Variants in ABCA12 observed in about 807,000 individuals in gnomAD.
The protein encoded by ABCA12 is ATP binding cassette subfamily A member 12, also known as glucosylceramide transporter ABCA12.
In ABCA12, 156 loss-of-function variants were observed where a neutral mutation model predicts 293.5. The observed-to-expected ratio is 0.53, with a 90% confidence interval of 0.47 to 0.61. The LOEUF (loss-of-function observed/expected upper bound fraction) is 0.61, where lower values mean the gene tolerates loss of function less well. ABCA12 is among the 20% of genes least tolerant of loss of function. The pLI, the probability that ABCA12 is intolerant of heterozygous loss-of-function variation, is 0.00. For missense variants in ABCA12, 2,797 were observed against 3,090.2 expected, an observed-to-expected ratio of 0.91 and a Z score of 2.25; for synonymous variants, 1,063 against 1,108.0, an observed-to-expected ratio of 0.96 and a Z score of 0.81.
In ABCA12 at chr2:214,967,965, T is replaced by C. The variant is rs557296216; in HGVS notation, c.5778+755A>G. 2.6e-5 allele frequency among the ~76,000 whole-genome samples: 4 copies of C among 152,284 alleles called. No homozygotes were observed. The East Asian group carries it at 5.8e-4, about 22-fold the overall frequency. On this transcript the variant is annotated intron_variant, in intron 38 of 52. Coordinates refer to ENST00000272895, the MANE Select transcript of ABCA12 (RefSeq NM_173076.3). ...TCCCGTGACTCTACCTCATTTTAGGTATAATCTAAAAGGAAAAATAAGTGA... is the reference window on the plus strand; with the variant it reads ...TCCCGTGACTCTACCTCATTTTAGGCATAATCTAAAAGGAAAAATAAGTGA...
chr2:214,935,200 ATTG>A (rs1490977922), intron 51 of ABCA12, among the ~76,000 whole-genome samples: 2 of 152,036 alleles, frequency 1.3e-5, no homozygotes, highest in African/African-American at 4.8e-5. Flanking sequence ...TTGCTCTCAG[ATTG>A]TTGTTTTGGC....
Position 215,011,450 on chromosome 2 carries a change from G to A in ABCA12, c.2321C>T (p.Pro774Leu). Residue 774 changes from proline (P) to leucine (L), a missense_variant, in exon 17 of 53, where the codon CCC becomes CTC. By Grantham distance (98) the Pro-to-Leu change is moderately conservative. Transcript: ENST00000272895. ...TAAAGTATACTCACTGGAATTTATGGGAATTCCATATTTTGAAGCAATTTG... is the reference window on the plus strand; with the variant it reads ...TAAAGTATACTCACTGGAATTTATGAGAATTCCATATTTTGAAGCAATTTG... ...KEQIASKYGIPINSTPFCFSL... is the reference protein window; with the variant it reads ...KEQIASKYGILINSTPFCFSL... The A allele has an allele frequency of 6.2e-7, 1 of 1,610,028 alleles. No individual in the cohort carries two copies. The highest frequency in any genetic ancestry group is 2.2e-5 in the East Asian group (1 of 44,850).
At chr2:215,047,234 A>G (rs1259868767) in intron 6 of ABCA12, among the ~76,000 whole-genome samples, 3 of 152,220 alleles carry the variant, frequency 2.0e-5, no homozygotes, top group African/African-American at 7.2e-5. Context: ...ACTTAACATT[A>G]AATTAAATTT....
intron 37 of ABCA12, 74 bp from the exon 38 acceptor site, chr2:214,968,881 G>T: frequency 7.3e-7 from 1 of 1,369,488 alleles, no homozygotes; most frequent in Non-Finnish European, 1.0e-6. Flanking sequence ...AATACTTAAC[G>T]AGGAGCTCAA....
At chr2:215,039,440 T>C (rs1701052496) in intron 7 of ABCA12, among the ~76,000 whole-genome samples, 1 of 152,216 alleles carries the variant, frequency 6.6e-6, no homozygotes, top group Non-Finnish European at 1.5e-5. Context: ...GTATTTAATT[T>C]AGAATTTTCT....
chr2:215,064,929 G>T (rs1268380514), intron 2 of ABCA12, among the ~76,000 whole-genome samples: 1 of 151,702 alleles, frequency 6.6e-6, no homozygotes, highest in South Asian at 2.1e-4. Flanking sequence ...AGCTATTTTT[G>T]GTCTCTTTAA....
chr2:215,119,162 G>A (rs1364443318), intron 1 of ABCA12, among the ~76,000 whole-genome samples: 1 of 152,074 alleles, frequency 6.6e-6, no homozygotes, highest in Non-Finnish European at 1.5e-5. Context: ...GTAGAGACAG[G>A]GTTTCACCAT....
At chr2:215,015,335 A>C (rs957217829) in intron 15 of ABCA12, among the ~76,000 whole-genome samples, 155 bp downstream of exon 15, 14 of 152,206 alleles carry the variant, frequency 9.2e-5, no homozygotes, top group Non-Finnish European at 1.9e-4. Context: ...GCAATAAATG[A>C]TCTCTAAGGT....
In ABCA12 at chr2:214,948,735, G is replaced by A; in HGVS notation, c.6965C>T (p.Ser2322Phe). 6.2e-7 allele frequency: 1 copy of A among 1,614,020 alleles called. No individual in the cohort carries two copies. The highest frequency in any genetic ancestry group is 2.2e-5 in the East Asian group (1 of 44,844). Residue 2322 changes from serine to phenylalanine, a missense_variant and splice_region_variant, in exon 47 of 53, where the codon TCT becomes TTT. Around this residue, in one of 3 missense-constraint regions of ABCA12, gnomAD observed 2,130 missense variants for 2,427.0 expected, o/e 0.88. Transcript: ENST00000272895. ...GCTGTGAGAATCAACGTGACCCAGAGATCTGAATTGAGAGAATCAAAAACA... is the reference window on the plus strand; with the variant it reads ...GCTGTGAGAATCAACGTGACCCAGAAATCTGAATTGAGAGAATCAAAAACA... ...GNILIRNKTG[S>F]LGHVDSHSSL...
At chr2:214,952,530 C>T (rs574513856) in intron 44 of ABCA12, among the ~76,000 whole-genome samples, 1 of 152,168 alleles carries the variant, frequency 6.6e-6, no homozygotes, top group African/African-American at 2.4e-5. Flanking sequence ...AACACCCTAT[C>T]GTGGATTATT....
chr2:215,134,577 A>ATCTCTCTC (rs370388681), intron 1 of ABCA12, among the ~76,000 whole-genome samples: 2 of 76,846 alleles, frequency 2.6e-5, no homozygotes, highest in East Asian at 5.7e-4. Flanking sequence ...TATATATATA[A>ATCTCTCTC]TCTCTCTCTC....
intron 1 of ABCA12, among the ~76,000 whole-genome samples, chr2:215,123,880 A>G (rs750905877): frequency 2.6e-4 from 39 of 152,256 alleles, no homozygotes; most frequent in South Asian, 1.2e-3. Context: ...CCCAAGCAGT[A>G]TACAATGCAC....
chr2:214,998,572 G>A (rs1700081402), intron 22 of ABCA12, among the ~76,000 whole-genome samples: 1 of 152,170 alleles, frequency 6.6e-6, no homozygotes, highest in Admixed American at 6.5e-5. Context: ...CTCAACTAGA[G>A]AATCACTGGA....
chr2:214,999,788 C>T, intron 22 of ABCA12: 1 of 984,794 alleles, frequency 1.0e-6, no homozygotes, highest in African/African-American at 1.7e-5. Context: ...GACTCCTTAC[C>T]TGCTTCCTCA....
intron 2 of ABCA12, among the ~76,000 whole-genome samples, chr2:215,073,874 C>G (rs556946100): frequency 6.6e-6 from 1 of 152,100 alleles, no homozygotes; most frequent in Non-Finnish European, 1.5e-5. Flanking sequence ...GGGGAAGCAT[C>G]GGGGATTCCT....
At position 215,081,495 on chromosome 2, in the gene ABCA12, A is replaced by AAAAAAG. The variant is rs1553541627; in HGVS notation, c.164-17277_164-17276insCTTTTT. The stretch of plus-strand genomic sequence containing the variant: ...CTCTGTCTCAAAAAAAAAAAAAAGA[A>AAAAAAG]AAAGAAAAAAGAAAAAGAAAAAAGA... On this transcript the variant is annotated intron_variant, in intron 2 of 52. Coordinates refer to ENST00000272895, the MANE Select transcript of ABCA12 (RefSeq NM_173076.3). 1.0e-4 allele frequency among the ~76,000 whole-genome samples: 13 copies of AAAAAAG among 127,470 alleles called. 1 individual carries two copies. The highest frequency in any genetic ancestry group is 1.9e-4 in the Non-Finnish European group (12 of 62,122). 83.6% of individuals were successfully genotyped at this position (127,470 alleles called of 152,430 possible).
At chr2:215,081,495 A>AAAAAAAAAAAAAAAAAAAG (rs1553541627) in intron 2 of ABCA12, among the ~76,000 whole-genome samples, 1 of 127,500 alleles carries the variant, frequency 7.8e-6, no homozygotes, top group Non-Finnish European at 1.6e-5. Context: ...AAAAAAAAGA[A>AAAAAAAAAAAAAAAAAAAG]AAAGAAAAAA....
chr2:215,017,978 G>GCA, intron 14 of ABCA12, 30 bp downstream of exon 14: 7 of 1,613,752 alleles, frequency 4.3e-6, no homozygotes, highest in Non-Finnish European at 5.9e-6. Flanking sequence ...TCTAAGAACT[G>GCA]CATGTAAGTA....
At position 215,015,595 on chromosome 2, in the gene ABCA12, T is replaced by C. The variant is rs1391108571; in HGVS notation, c.1851A>G (p.Ala617=). 53 of 1,613,920 alleles carry C rather than the reference T, an allele frequency of 3.3e-5. No homozygotes were observed. The highest frequency in any genetic ancestry group is 4.5e-5 in the Non-Finnish European group (53 of 1,179,910). The change falls in exon 15 of 53, where the codon GCA becomes GCG. Residue 617 remains alanine, a synonymous_variant. Coordinates refer to ENST00000272895, the MANE Select transcript of ABCA12 (RefSeq NM_173076.3). ...GAGACAGGTTGCAGAATTCTTTCATTGCATCTTCTAGTTTGGGAGTGGTGA... is the reference window on the plus strand; with the variant it reads ...GAGACAGGTTGCAGAATTCTTTCATCGCATCTTCTAGTTTGGGAGTGGTGA... ...TNITTPKLED[A]MKEFCNLSLS... is the part of the protein sequence containing the mutation.
Sources: gnomAD v4.1 joint callset for allele counts (sites outside exome capture counted in the v4.1 genomes callset) on GRCh38, gnomAD v4.1.1 for gene constraint, gnomAD v4.1.1 regional missense constraint, MANE v1.5 for transcripts, NCBI Gene and HGNC (gene_info 2026-07-23, HGNC 2026-07-21) for gene names.